The following FAM149B1 variants were observed in gnomAD, a reference collection of about 807,000 sequenced individuals.
FAM149B1 encodes the protein primary cilium assembly protein FAM149B1.
In FAM149B1, 56 loss-of-function variants were observed where a neutral mutation model predicts 75.3. The observed-to-expected ratio is 0.74, with a 90% CI of 0.60 to 0.93. The LOEUF (loss-of-function observed/expected upper bound fraction) is 0.93, where lower values mean the gene tolerates loss of function less well. Ranked by LOEUF, FAM149B1 falls within the 40% of genes least tolerant of loss-of-function variation. The pLI, the probability that FAM149B1 is intolerant of heterozygous loss-of-function variation, is 0.00. For missense variants in FAM149B1, 639 were observed against 708.4 expected (o/e 0.90, Z 1.11); for synonymous variants, 259 against 256.1 (o/e 1.01, Z -0.11).
At chr10:73,187,714 A>G (rs145062044) in intron 3 of FAM149B1, among the ~76,000 whole-genome samples, 1 of 150,676 alleles carries the variant, frequency 6.6e-6, no homozygotes, top group East Asian at 2.0e-4. Context: ...GGGCAACAAG[A>G]GTGAAACTCT....
intron 6 of FAM149B1, among the ~76,000 whole-genome samples, chr10:73,210,017 G>A (rs994233657): frequency 1.3e-5 from 2 of 152,296 alleles, no homozygotes; most frequent in East Asian, 3.9e-4. Context: ...CACTGAGCTA[G>A]AACTGGAAGC....
intron 1 of FAM149B1, among the ~76,000 whole-genome samples, chr10:73,170,041 TTTAA>T (rs1164931062): frequency 3.7e-5 from 5 of 136,336 alleles, no homozygotes; most frequent in Non-Finnish European, 4.5e-5. Context: ...TTATTAACTA[TTTAA>T]TTTATTAAAT....
chr10:73,235,413 G>T (rs1218883614), intron 12 of FAM149B1, 95 bp downstream of exon 12: 2 of 1,492,158 alleles, frequency 1.3e-6, no homozygotes, highest in Non-Finnish European at 1.8e-6. Flanking sequence ...TTATCTAGAG[G>T]CTTAACCCAG....
chr10:73,204,944 ATTTTTTTTTT>A (rs71021549), intron 5 of FAM149B1, among the ~76,000 whole-genome samples: 1 of 36,576 alleles, frequency 2.7e-5, no homozygotes, highest in Non-Finnish European at 5.2e-5. Flanking sequence ...TGCCTGGCTA[ATTTTTTTTTT>A]TTTTTTTTTT....
At chr10:73,239,947 GAC>G (rs2043904426) in intron 13 of FAM149B1, among the ~76,000 whole-genome samples, 1 of 152,080 alleles carries the variant, frequency 6.6e-6, no homozygotes, top group East Asian at 1.9e-4. Context: ...TCTTTTTTGA[GAC>G]AGTCTCACTC....
At chr10:73,176,723 CA>C (rs1217146006) in intron 2 of FAM149B1, among the ~76,000 whole-genome samples, 1 of 150,504 alleles carries the variant, frequency 6.6e-6, no homozygotes, top group African/African-American at 2.4e-5. Context: ...CTGTCTCTAC[CA>C]AAAATACAAA....
At chr10:73,190,721 CTT>C (rs35231374) in intron 3 of FAM149B1, among the ~76,000 whole-genome samples, 83 of 134,176 alleles carry the variant, frequency 6.2e-4, no homozygotes, top group East Asian at 8.6e-4. Context: ...CCTCTGACTG[CTT>C]TTTTTTTTTT....
At chr10:73,228,495 C>T (rs1349483286) in intron 8 of FAM149B1, among the ~76,000 whole-genome samples, 2 of 152,210 alleles carry the variant, frequency 1.3e-5, no homozygotes, top group Non-Finnish European at 2.9e-5. Context: ...ATAAAAATGA[C>T]TCATCTTAGA....
At chr10:73,225,827 T>C (rs2043529008) in intron 7 of FAM149B1, among the ~76,000 whole-genome samples, 2 of 152,222 alleles carry the variant, frequency 1.3e-5, no homozygotes, top group Admixed American at 1.3e-4. Context: ...ACCTTTCCTA[T>C]GTTCAGGCTT....
intron 5 of FAM149B1, among the ~76,000 whole-genome samples, chr10:73,198,603 A>C (rs1170105712): frequency 6.6e-6 from 1 of 152,162 alleles, no homozygotes; most frequent in African/African-American, 2.4e-5. Flanking sequence ...TCAAGTATTC[A>C]AGACCAGCCT....
intron 3 of FAM149B1, among the ~76,000 whole-genome samples, chr10:73,188,948 CTT>C (rs1042438447): frequency 6.6e-6 from 1 of 151,780 alleles, no homozygotes; most frequent in African/African-American, 2.4e-5. Flanking sequence ...AACCCCAACA[CTT>C]TGAGAGGCTG....
At chr10:73,240,800 T>C (rs1385944930) in intron 13 of FAM149B1, 146 bp from the exon 14 acceptor site, 1 of 586,506 alleles carries the variant, frequency 1.7e-6, no homozygotes, top group Non-Finnish European at 3.0e-6. Context: ...TTTTAATTAG[T>C]GGGCTCTTCT....
chr10:73,202,326 CTATT>C (rs1425484412), intron 5 of FAM149B1, among the ~76,000 whole-genome samples: 6 of 151,982 alleles, frequency 3.9e-5, no homozygotes, highest in Non-Finnish European at 2.9e-5. Context: ...TTAGAAATTC[CTATT>C]TATTTTTCAA....
At chr10:73,200,571 T>C (rs373246893) in intron 5 of FAM149B1, 1 of 747,358 alleles carries the variant, frequency 1.3e-6, no homozygotes, top group Non-Finnish European at 2.2e-6. Flanking sequence ...GCAGATGAAA[T>C]GTTCAGCCAA....
At chr10:73,169,459 C>CT (rs11452129) in intron 1 of FAM149B1, among the ~76,000 whole-genome samples, 7,807 of 142,540 alleles carry the variant, frequency 0.055, 597 homozygotes, top group African/African-American at 0.17. Context: ...AGGGCCTTCA[C>CT]TTTTTTTTTT....
At chr10:73,236,591 T>C (rs2043827528) in intron 12 of FAM149B1, among the ~76,000 whole-genome samples, 1 of 151,676 alleles carries the variant, frequency 6.6e-6, no homozygotes, top group Non-Finnish European at 1.5e-5. Flanking sequence ...TTTTTGTAAT[T>C]TTACTAGAGA....
rs571097401 is a variant in FAM149B1 at position 73,190,771 on chromosome 10, A to G, written c.283-1785A>G. 6.1e-5 allele frequency among the ~76,000 whole-genome samples: 9 copies of G among 148,178 alleles called. No individual in the cohort carries two copies. The South Asian group carries it at 8.5e-4, about 14-fold the overall frequency. ...GAGGTCTCACTTGGTTACCCAGGCT[A>G]GCAGTAGCACAATCATAGCTCACTA... On this transcript the variant is annotated intron_variant, in intron 3 of 13. Coordinates refer to ENST00000242505, the MANE Select transcript of FAM149B1 (RefSeq NM_173348.2).
At chr10:73,235,811 G>A (rs977560768) in intron 12 of FAM149B1, among the ~76,000 whole-genome samples, 7 of 152,124 alleles carry the variant, frequency 4.6e-5, no homozygotes, top group Admixed American at 3.9e-4. Flanking sequence ...GGGACTACAG[G>A]TGCACACCAC....
chr10:73,228,004 T>C, intron 7 of FAM149B1, 56 bp from the exon 8 acceptor site: 2 of 1,511,150 alleles, frequency 1.3e-6, no homozygotes, highest in South Asian at 2.4e-5. Flanking sequence ...TTCACAATAC[T>C]GTTGCTGTGG....
Sources: gnomAD v4.1 joint callset for allele counts (sites outside exome capture counted in the v4.1 genomes callset) on GRCh38, gnomAD v4.1.1 for gene constraint, MANE v1.5 for transcripts, NCBI Gene and HGNC (gene_info 2026-07-23, HGNC 2026-07-21) for gene names.